ERC2: variants seen among roughly 807,000 people sequenced by gnomAD.
ERC2 encodes ELKS/RAB6-interacting/CAST family member 2, also known as ERC protein 2.
Under a neutral mutation model 114.8 loss-of-function variants are expected in ERC2, and 42 were observed. The observed-to-expected ratio is 0.37, with a 90% CI of 0.29 to 0.47. ERC2 has a LOEUF of 0.47. Ranked by LOEUF, ERC2 falls within the 20% of genes least tolerant of loss-of-function variation. The probability of loss-of-function intolerance (pLI) is 0.99; values close to 1 mark genes in which losing one functional copy is unlikely to be tolerated. For missense variants in ERC2, 939 were observed against 1,150.7 expected (o/e 0.82, Z 2.66); for synonymous variants, 454 against 425.5 (o/e 1.07, Z -0.82).
intron 17 of ERC2, among the ~76,000 whole-genome samples, chr3:55,523,684 T>G (rs1261811654): frequency 2.6e-5 from 4 of 152,228 alleles, no homozygotes; most frequent in Admixed American, 6.5e-5. Context: ...AGGCTATGTG[T>G]GTCTTGCTCA....
chr3:56,456,639 T>C (rs1320567188), intron 1 of ERC2, among the ~76,000 whole-genome samples: 1 of 152,260 alleles, frequency 6.6e-6, no homozygotes, highest in Non-Finnish European at 1.5e-5. Flanking sequence ...AGCTAACCAC[T>C]AGCCATATTG....
chr3:56,350,444 C>G (rs151155485), intron 2 of ERC2, among the ~76,000 whole-genome samples: 241 of 152,310 alleles, frequency 1.6e-3, no homozygotes, highest in African/African-American at 5.3e-3. Context: ...AGTCTGTTGA[C>G]TCTTACTTGA....
intron 13 of ERC2, among the ~76,000 whole-genome samples, chr3:55,888,808 A>G (rs2063479434): frequency 2.6e-5 from 4 of 152,214 alleles, no homozygotes; most frequent in Admixed American, 2.6e-4. Flanking sequence ...CATTGGGTTG[A>G]GTGTATACTA....
intron 14 of ERC2, among the ~76,000 whole-genome samples, chr3:55,812,010 C>T (rs960735512): frequency 4.6e-5 from 7 of 152,300 alleles, no homozygotes; most frequent in African/African-American, 1.7e-4. Context: ...TGATGCTCTC[C>T]TTCCCCTGCC....
intron 17 of ERC2, among the ~76,000 whole-genome samples, chr3:55,522,827 A>G (rs1575462635): frequency 1.3e-5 from 2 of 152,214 alleles, no homozygotes; most frequent in East Asian, 3.8e-4. Context: ...AGATGGGCCC[A>G]TTCTCCCATC....
intron 7 of ERC2, among the ~76,000 whole-genome samples, chr3:56,027,765 T>C (rs997573302): frequency 1.3e-5 from 2 of 152,180 alleles, no homozygotes; most frequent in African/African-American, 4.8e-5. Context: ...CTATGGCTTG[T>C]CTTTTCATTT....
In ERC2 at chr3:55,590,194, A is replaced by G. The variant is rs545926103; in HGVS notation, c.*40-78918T>C. On this transcript the variant is annotated intron_variant, in intron 17 of 17. Transcript: ENST00000288221. ...AATCTAAGTGAAGTAAAAAGTAAAA[A>G]GCGTGAGATCGTGCCCTGTGTGGCA... Among the ~76,000 whole-genome samples, 55 of 152,334 alleles carry G rather than the reference A, an allele frequency of 3.6e-4. No homozygotes were observed. The South Asian group carries it at 3.9e-3, about 11-fold the overall frequency.
intron 17 of ERC2, among the ~76,000 whole-genome samples, chr3:55,616,956 AGTTAGGC>A (rs1484775342): frequency 6.6e-6 from 1 of 152,206 alleles, no homozygotes; most frequent in African/African-American, 2.4e-5. Context: ...GGTGTGAAGG[AGTTAGGC>A]GTTACTCCAA....
At chr3:56,310,013 T>G (rs2056449885) in intron 2 of ERC2, among the ~76,000 whole-genome samples, 1 of 152,214 alleles carries the variant, frequency 6.6e-6, no homozygotes, top group Non-Finnish European at 1.5e-5. Context: ...TAAGACCAAT[T>G]CGAAGATGGA....
At chr3:56,443,042 TAGA>T (rs1469094532) in intron 1 of ERC2, among the ~76,000 whole-genome samples, 1 of 152,184 alleles carries the variant, frequency 6.6e-6, no homozygotes, top group East Asian at 1.9e-4. Flanking sequence ...CAGGAAAAGA[TAGA>T]AGATCAAAAT....
intron 14 of ERC2, among the ~76,000 whole-genome samples, chr3:55,752,371 C>T (rs762997039): frequency 3.3e-4 from 50 of 152,182 alleles, no homozygotes; most frequent in Non-Finnish European, 1.8e-4. Flanking sequence ...CAAGGGTCAG[C>T]CTGTACCTTG....
At chr3:56,140,587 G>A (rs148750005) in intron 5 of ERC2, among the ~76,000 whole-genome samples, 2 of 151,888 alleles carry the variant, frequency 1.3e-5, no homozygotes, top group Non-Finnish European at 2.9e-5. Context: ...ATAGAAATTC[G>A]GTTCTGTTCT....
intron 14 of ERC2, among the ~76,000 whole-genome samples, chr3:55,760,479 G>A (rs1559611836): frequency 1.3e-5 from 2 of 152,284 alleles, no homozygotes; most frequent in East Asian, 1.9e-4. Context: ...AGACTAAGTA[G>A]TAAAAATTAG....
At position 55,888,433 on chromosome 3, in the gene ERC2, G is replaced by T; in HGVS notation, c.2520C>A (p.Leu840=). Residue 840 remains leucine, a synonymous_variant, in exon 14 of 18, where the codon CTC becomes CTA. Transcript: ENST00000288221. ...CCAGCTGTTTCCTCCTCTCAATCCGGAGGTTGGCCAAGTGCGCTTCTTTTT... is the reference window on the plus strand; with the variant it reads ...CCAGCTGTTTCCTCCTCTCAATCCGTAGGTTGGCCAAGTGCGCTTCTTTTT... The part of the protein sequence containing the change: ...LAEKEAHLAN[L]RIERRKQLEE... 6.2e-7 allele frequency: 1 copy of T among 1,613,856 alleles called. No individual in the cohort carries two copies. Among genetic ancestry groups the T allele is most frequent in the African/African-American group, 1.3e-5 (1 of 75,002 alleles).
chr3:55,560,035 C>T (rs1021080328), intron 17 of ERC2, among the ~76,000 whole-genome samples: 2 of 152,194 alleles, frequency 1.3e-5, no homozygotes, highest in African/African-American at 4.8e-5. Flanking sequence ...AGCCCAGAGA[C>T]AAGGTACTTC....
intron 8 of ERC2, among the ~76,000 whole-genome samples, chr3:56,013,054 C>T (rs937068633): frequency 2.0e-5 from 3 of 152,162 alleles, no homozygotes; most frequent in African/African-American, 4.8e-5. Flanking sequence ...CAAGGCTTTG[C>T]GAGACCAGCT....
At position 56,173,303 on chromosome 3, in the gene ERC2, G is replaced by T. The variant is rs956237632; in HGVS notation, c.1149+143C>A. The T allele has an allele frequency of 1.7e-4, 123 of 742,184 alleles. 2 individuals carry two copies. Among genetic ancestry groups the T allele is most frequent in the South Asian group, 1.3e-3 (82 of 63,570 alleles). The allele number at this position is 742,184 out of a possible 1,614,324, so 46.0% of individuals were successfully genotyped here. A position where few individuals can be genotyped will look rare whatever the true frequency, so the allele number is the denominator to read the frequency against. On this transcript the variant is annotated intron_variant, in intron 4 of 17. Coordinates refer to ENST00000288221, the MANE Select transcript of ERC2 (RefSeq NM_015576.3). ...CCAATACATTAAATGTGCCCAGGAAGGTAAAAAAAATCCAGAAGTAAAGCA... is the reference window on the plus strand; with the variant it reads ...CCAATACATTAAATGTGCCCAGGAATGTAAAAAAAATCCAGAAGTAAAGCA...
chr3:56,250,550 G>A (rs1576084566), intron 3 of ERC2, among the ~76,000 whole-genome samples: 1 of 152,160 alleles, frequency 6.6e-6, no homozygotes, highest in Non-Finnish European at 1.5e-5. Flanking sequence ...CACCAAAACT[G>A]GAACAGAAGA....
intron 2 of ERC2, among the ~76,000 whole-genome samples, chr3:56,374,008 C>T (rs995672249): frequency 6.6e-6 from 1 of 152,098 alleles, no homozygotes; most frequent in African/African-American, 2.4e-5. Flanking sequence ...GAGGAGTTGT[C>T]CCAGTTTTCC....
Sources: gnomAD v4.1 joint callset for allele counts (sites outside exome capture counted in the v4.1 genomes callset) on GRCh38, gnomAD v4.1.1 for gene constraint, MANE v1.5 for transcripts, NCBI Gene and HGNC (gene_info 2026-07-23, HGNC 2026-07-21) for gene names.